EVA1B: variants seen among roughly 807,000 people sequenced by gnomAD.
EVA1B encodes the protein protein eva-1 homolog B.
A neutral mutation model predicts 4.6 loss-of-function variants in EVA1B; 2 were observed. That is an observed-to-expected ratio of 0.43 (90% CI 0.18 to 1.37). The LOEUF (loss-of-function observed/expected upper bound fraction) is 1.37. Among genes scored for constraint, EVA1B ranks in the 40% most tolerant of loss-of-function variants. EVA1B has a pLI of 0.28. For missense variants in EVA1B, 263 were observed against 240.4 expected, an observed-to-expected ratio of 1.09 and a Z score of -0.62; for synonymous variants, 124 against 115.8, an observed-to-expected ratio of 1.07 and a Z score of -0.46.
At chr1:36,323,822 A>T (rs115990238), upstream of EVA1B, 1 of 152,240 alleles carries the variant, frequency 6.6e-6, no homozygotes, top group Non-Finnish European at 1.5e-5. Context: ...ACTAACAGCA[A>T]CAACAGAGAG....
upstream of EVA1B, chr1:36,323,682 G>A (rs1646508874): frequency 6.6e-6 from 1 of 152,082 alleles, no homozygotes; most frequent in Non-Finnish European, 1.5e-5. Context: ...GGGGAGGCGG[G>A]GAGGAAAAGG....
chr1:36,323,665 G>A (rs1015841883), upstream of EVA1B: 1 of 152,042 alleles, frequency 6.6e-6, no homozygotes, highest in Non-Finnish European at 1.5e-5. Flanking sequence ...GGCGGGGCGG[G>A]GCGGGCGGGG....
intron 1 of EVA1B, 87 bp downstream of exon 1, chr1:36,323,372 C>G (rs1165787553): frequency 2.9e-5 from 7 of 242,638 alleles, no homozygotes. Flanking sequence ...CCTCCACGCC[C>G]CAGGCGGGCT....
upstream of EVA1B, chr1:36,324,053 T>G (rs1445527069): frequency 5.3e-5 from 8 of 152,198 alleles, no homozygotes; most frequent in Non-Finnish European, 1.2e-4. Flanking sequence ...CTCCCCCTCC[T>G]AGGAGGCCCC....
chr1:36,322,499 G>C lies in EVA1B; in HGVS notation c.294C>G (p.Pro98=), dbSNP rs550387297. 643 of 1,602,824 alleles carry C rather than the reference G, an allele frequency of 4.0e-4. 6 individuals carry two copies. The East Asian group carries it at 0.013, about 31-fold the overall frequency. The change falls in exon 3 of 3, where the codon CCC becomes CCG. Residue 98 remains proline (P), a synonymous_variant. Transcript: ENST00000490466. The part of the protein sequence containing the change: ...RLGPDDTLPG[P]ELSAEPDGPL... ...GCCCGTCCGGCTCTGCGGACAGCTC[G>C]GGGCCCGGCAGCGTGTCGTCGGGGC...
In EVA1B at chr1:36,322,388, G is replaced by C. The variant is rs766445791; in HGVS notation, c.405C>G (p.Ile135Met). 2 of 1,596,856 alleles carry C rather than the reference G, an allele frequency of 1.3e-6. No individual in the cohort carries two copies. The highest frequency in any genetic ancestry group is 1.7e-6 in the Non-Finnish European group (2 of 1,178,234). ...LEERERILRE[I>M]WRTGQPDLLG... ...GCAGGTCCGGCTGCCCGGTGCGCCA[G>C]ATCTCCCGCAGGATCCGTTCGCGCT... is the stretch of plus-strand genomic sequence containing the variant. Residue 135 changes from isoleucine to methionine, a missense_variant, in exon 3 of 3, where the codon ATC (isoleucine) becomes ATG (methionine). Coordinates refer to ENST00000490466, the MANE Select transcript of EVA1B (RefSeq NM_001304762.2).
chr1:36,322,469 G>A lies in EVA1B; in HGVS notation c.324C>T (p.Leu108=). The part of the protein sequence containing the change: ...PELSAEPDGP[L]NVNVFTSAEE... ...CCGCCGACGTGAAGACGTTGACGTT[G>A]AGGGGCCCGTCCGGCTCTGCGGACA... Residue 108 remains leucine (L), a synonymous_variant, in exon 3 of 3, where the codon CTC becomes CTT. Coordinates refer to ENST00000490466, the MANE Select transcript of EVA1B (RefSeq NM_001304762.2). The A allele has an allele frequency of 6.2e-7, 1 of 1,604,778 alleles. No homozygotes were observed. Among genetic ancestry groups the A allele is most frequent in the African/African-American group, 1.3e-5 (1 of 74,936 alleles).
chr1:36,322,169 G>T lies in EVA1B; in HGVS notation c.*126C>A. 1 of 1,357,440 alleles carries T rather than the reference G, an allele frequency of 7.4e-7. No individual in the cohort carries two copies. The highest frequency in any genetic ancestry group is 2.8e-5 in the East Asian group (1 of 35,208). The allele number at this position is 1,357,440 out of a possible 1,614,324, so 84.1% of individuals were successfully genotyped here. ...ACTGGGGAAGGGAGCCTCTCAGGGG[G>T]TGGCGGTCCACGCCCAGTAGCACCT... On this transcript the variant is annotated 3_prime_UTR_variant, in exon 3 of 3. Coordinates refer to ENST00000490466, the MANE Select transcript of EVA1B (RefSeq NM_001304762.2).
chr1:36,323,078 A>G lies in EVA1B; in HGVS notation c.-30-11T>C. 6.3e-7 allele frequency: 1 copy of G among 1,588,032 alleles called. No individual in the cohort carries two copies. Among genetic ancestry groups the G allele is most frequent in the Non-Finnish European group, 8.5e-7 (1 of 1,170,862 alleles). On this transcript the variant is annotated splice_polypyrimidine_tract_variant and intron_variant, in intron 1 of 2. Coordinates refer to ENST00000490466, the MANE Select transcript of EVA1B (RefSeq NM_001304762.2). ...AGCTCCCCTACCAGCCTGCGAGGTCAGCAAAGTCAGATCCTTCTCCCAGCC... is the reference window on the plus strand; with the variant it reads ...AGCTCCCCTACCAGCCTGCGAGGTCGGCAAAGTCAGATCCTTCTCCCAGCC...
In EVA1B at chr1:36,322,261, AC is replaced by A; in HGVS notation, c.*33del. 6.8e-7 allele frequency: 1 copy of A among 1,459,908 alleles called. No homozygotes were observed. Among genetic ancestry groups the A allele is most frequent in the Non-Finnish European group, 9.0e-7 (1 of 1,111,326 alleles). 90.4% of individuals were successfully genotyped at this position (1,459,908 alleles called of 1,614,324 possible). On this transcript the variant is annotated 3_prime_UTR_variant, in exon 3 of 3. Coordinates refer to ENST00000490466, the MANE Select transcript of EVA1B (RefSeq NM_001304762.2). ...CTCTGAGCTCATGTGCAGGTCCGGT[AC>A]CCCGAGCGCCTTGCAGCGGGAGCCG...
In EVA1B at chr1:36,322,111, GC is replaced by G. The variant is rs1405095153; in HGVS notation, c.*183del. ...AGAGGGAGTGGGGACCCTGCATGCT[GC>G]CCCCTCCCCGCCCCCGGGGTCTTCT... On this transcript the variant is annotated 3_prime_UTR_variant, in exon 3 of 3. Transcript: ENST00000490466. 18 of 1,352,742 alleles carry G rather than the reference GC, an allele frequency of 1.3e-5. No individual in the cohort carries two copies. The highest frequency in any genetic ancestry group is 1.3e-5 in the Non-Finnish European group (14 of 1,050,490). 83.8% of individuals were successfully genotyped at this position (1,352,742 alleles called of 1,614,324 possible).
intron 2 of EVA1B, 70 bp from the exon 3 acceptor site, chr1:36,322,795 C>T (rs1316464970): frequency 2.0e-6 from 3 of 1,510,856 alleles, no homozygotes; most frequent in African/African-American, 2.8e-5. Context: ...CCGAAAGACC[C>T]CAGGTTCTAG....
At position 36,322,739 on chromosome 1, in the gene EVA1B, GGCGGGGGTCACGGAGA is replaced by G. The variant is rs1646488936; in HGVS notation, c.68-30_68-15del. On this transcript the variant is annotated splice_polypyrimidine_tract_variant and intron_variant, in intron 2 of 2. Transcript: ENST00000490466. ...TCTCGGGGTTGGCTGCGGGGCACAG[GGCGGGGGTCACGGAGA>G]GGCCCGGACGGGTGGGGGTTGTCCC... 1 of 1,545,490 alleles carries G rather than the reference GGCGGGGGTCACGGAGA, an allele frequency of 6.5e-7. No homozygotes were observed.
At chr1:36,323,898 C>T (rs1483332100), upstream of EVA1B, 2 of 152,398 alleles carry the variant, frequency 1.3e-5, no homozygotes, top group African/African-American at 2.4e-5. Flanking sequence ...CTTACTCCGC[C>T]TGACAACCCT....
At position 36,322,873 on chromosome 1, in the gene EVA1B, G is replaced by A. The variant is rs1646491583; in HGVS notation, c.67+98C>T. The A allele has an allele frequency of 2.6e-6, 4 of 1,539,202 alleles. No homozygotes were observed. In the Admixed American group the frequency reaches 7.1e-5, roughly 27 times the overall value. ...GGAACCGCCAGCGGGCAAGAGGGCG[G>A]GGAGCGGGGCGGAGGGGACGGACAA... On this transcript the variant is annotated intron_variant, in intron 2 of 2. Transcript: ENST00000490466.
Sources: gnomAD v4.1 joint callset for allele counts on GRCh38, gnomAD v4.1.1 for gene constraint, MANE v1.5 for transcripts, NCBI Gene and HGNC (gene_info 2026-07-23, HGNC 2026-07-21) for gene names.